The following CAMTA1 variants were observed in gnomAD, a reference collection of about 807,000 sequenced individuals.
CAMTA1 encodes the protein calmodulin-binding transcription activator 1.
In CAMTA1, 27 loss-of-function variants were observed where a neutral mutation model predicts 170.9. That is an observed-to-expected ratio of 0.16 (90% confidence interval 0.12 to 0.22). The LOEUF is 0.22. CAMTA1 is among the 10% of genes least tolerant of loss of function. CAMTA1 has a pLI of 1.00. For synonymous variants in CAMTA1, 833 were observed against 891.5 expected (o/e 0.93, Z 1.17); for missense variants, 1,619 against 2,217.2 (o/e 0.73, Z 5.42).
intron 4 of CAMTA1, among the ~76,000 whole-genome samples, chr1:7,163,240 G>C (rs749253983): frequency 2.7e-5 from 4 of 149,630 alleles, no homozygotes; most frequent in Non-Finnish European, 5.9e-5. Context: ...TTGCAGTGGT[G>C]GTTTCAGAGG....
intron 3 of CAMTA1, among the ~76,000 whole-genome samples, chr1:6,834,095 T>C (rs904009973): frequency 6.6e-5 from 10 of 151,960 alleles, no homozygotes; most frequent in Admixed American, 1.3e-4. Context: ...GAAGGTTTTC[T>C]TTAGGAATGT....
chr1:7,491,498 G>T (rs1277650225), intron 6 of CAMTA1, among the ~76,000 whole-genome samples: 2 of 152,206 alleles, frequency 1.3e-5, no homozygotes, highest in Non-Finnish European at 2.9e-5. Context: ...TTGTCCAATT[G>T]CTTAAAACAG....
chr1:7,537,144 G>A (rs1245430294), intron 6 of CAMTA1, among the ~76,000 whole-genome samples: 4 of 152,156 alleles, frequency 2.6e-5, no homozygotes, highest in African/African-American at 4.8e-5. Context: ...TGCAGCATTC[G>A]GAGCTCGCAG....
At chr1:7,179,559 C>G (rs1330354298) in intron 4 of CAMTA1, among the ~76,000 whole-genome samples, 1 of 152,160 alleles carries the variant, frequency 6.6e-6, no homozygotes, top group Non-Finnish European at 1.5e-5. Context: ...ACAATACTTT[C>G]TAACCACGGT....
At chr1:7,595,671 A>G (rs1481292490) in intron 6 of CAMTA1, among the ~76,000 whole-genome samples, 1 of 152,164 alleles carries the variant, frequency 6.6e-6, no homozygotes, top group African/African-American at 2.4e-5. Context: ...CCCATTTTAG[A>G]GATGGGGAAA....
chr1:7,393,054 T>TAA (rs34475514), intron 5 of CAMTA1, among the ~76,000 whole-genome samples: 4,133 of 144,918 alleles, frequency 0.029, 66 homozygotes, highest in African/African-American at 0.038. Flanking sequence ...CTATATCTCT[T>TAA]AAAAAAAAAA....
intron 4 of CAMTA1, among the ~76,000 whole-genome samples, chr1:7,217,863 A>T (rs879598061): frequency 2.0e-5 from 3 of 152,068 alleles, no homozygotes; most frequent in Non-Finnish European, 4.4e-5. Flanking sequence ...TCTATGTATG[A>T]TTCTCTTAAC....
At chr1:6,973,780 C>G (rs140517352) in intron 3 of CAMTA1, among the ~76,000 whole-genome samples, 6 of 152,260 alleles carry the variant, frequency 3.9e-5, no homozygotes, top group Admixed American at 3.9e-4. Context: ...ATTCTTGGTC[C>G]CATGGCTGTT....
chr1:7,767,808 T>C lies in CAMTA1; in HGVS notation c.*1317T>C, dbSNP rs1340512350. On this transcript the variant is annotated 3_prime_UTR_variant, in exon 23 of 23. Transcript: ENST00000303635. ...AAGAGTACTTTATTTTAAATGTTCT[T>C]TAGGAGAACATTTTGCTAAAGCATG... The C allele has an allele frequency of 2.1e-5, 3 of 143,644 alleles. No homozygotes were observed. The highest frequency in any genetic ancestry group is 4.5e-5 in the Non-Finnish European group (3 of 66,954). The allele number at this position is 143,644 out of a possible 1,614,324, so 8.9% of individuals were successfully genotyped here. A position where few individuals can be genotyped will look rare whatever the true frequency, so the allele number is the denominator to read the frequency against.
chr1:7,075,854 G>T (rs1222905292), intron 3 of CAMTA1, among the ~76,000 whole-genome samples: 1 of 151,386 alleles, frequency 6.6e-6, no homozygotes, highest in Non-Finnish European at 1.5e-5. Flanking sequence ...GTAGAGACGG[G>T]GTTTCGTCAT....
intron 5 of CAMTA1, among the ~76,000 whole-genome samples, chr1:7,274,689 A>C (rs903540747): frequency 2.0e-5 from 3 of 152,220 alleles, no homozygotes; most frequent in Non-Finnish European, 4.4e-5. Flanking sequence ...ACTGTGTCAT[A>C]AAACAAATCT....
intron 5 of CAMTA1, among the ~76,000 whole-genome samples, chr1:7,441,915 T>G (rs1021766870): frequency 1.3e-5 from 2 of 152,164 alleles, no homozygotes; most frequent in Non-Finnish European, 1.5e-5. Flanking sequence ...AGGCGCAGAC[T>G]CTGGGTGGAA....
intron 6 of CAMTA1, among the ~76,000 whole-genome samples, chr1:7,545,803 C>T (rs1449240178): frequency 6.6e-6 from 1 of 152,104 alleles, no homozygotes; most frequent in African/African-American, 2.4e-5. Flanking sequence ...CTATTAAGCC[C>T]AGCATCCATT....
chr1:6,991,072 T>A (rs565904183), intron 3 of CAMTA1, among the ~76,000 whole-genome samples: 147 of 136,406 alleles, frequency 1.1e-3, no homozygotes, highest in Non-Finnish European at 1.7e-3. Flanking sequence ...GTATCAGTAG[T>A]TTTTTTTTCC....
At chr1:7,740,842 T>C (rs1021156331) in intron 16 of CAMTA1, among the ~76,000 whole-genome samples, 3 of 152,316 alleles carry the variant, frequency 2.0e-5, no homozygotes, top group African/African-American at 7.2e-5. Flanking sequence ...CCACTTCCTA[T>C]TTTCACAGAT....
chr1:7,767,018 G>A lies in CAMTA1; in HGVS notation c.*527G>A, dbSNP rs1171055218. On this transcript the variant is annotated 3_prime_UTR_variant, in exon 23 of 23. Transcript: ENST00000303635. The stretch of plus-strand genomic sequence containing the variant: ...CTTAGATCATACAAAAATCTTTATT[G>A]GGTCCGTGTGTTCTCATTTCCTTCA... 6.5e-6 allele frequency: 1 copy of A among 152,980 alleles called. No homozygotes were observed. Among genetic ancestry groups the A allele is most frequent in the Non-Finnish European group, 1.5e-5 (1 of 68,302 alleles). 9.5% of individuals were successfully genotyped at this position (152,980 alleles called of 1,614,324 possible).
At chr1:6,803,257 T>G (rs916112300) in intron 1 of CAMTA1, among the ~76,000 whole-genome samples, 7 of 152,206 alleles carry the variant, frequency 4.6e-5, no homozygotes, top group Non-Finnish European at 8.8e-5. Context: ...GATGGAGATG[T>G]GTATCCTTAG....
intron 6 of CAMTA1, among the ~76,000 whole-genome samples, chr1:7,563,481 G>A (rs1389204439): frequency 2.0e-5 from 3 of 152,212 alleles, no homozygotes; most frequent in Non-Finnish European, 2.9e-5. Flanking sequence ...GGCCCCACTA[G>A]AGCCTGCTGT....
intron 11 of CAMTA1, among the ~76,000 whole-genome samples, chr1:7,724,210 C>T (rs1004817829): frequency 5.9e-5 from 9 of 152,168 alleles, no homozygotes; most frequent in African/African-American, 9.7e-5. Context: ...AAACACAATG[C>T]GGGATCCTGG....
Sources: gnomAD v4.1 joint callset for allele counts (sites outside exome capture counted in the v4.1 genomes callset) on GRCh38, gnomAD v4.1.1 for gene constraint, MANE v1.5 for transcripts, NCBI Gene and HGNC (gene_info 2026-07-23, HGNC 2026-07-21) for gene names.